AMD1: variants seen among roughly 807,000 people sequenced by gnomAD.
AMD1 encodes S-adenosylmethionine decarboxylase proenzyme.
In AMD1, 11 loss-of-function variants were observed where a neutral mutation model predicts 40.2. The ratio of observed to expected loss-of-function variants is 0.27; its 90% confidence interval spans 0.17 to 0.45. The LOEUF is 0.45. AMD1 is among the 20% of genes least tolerant of loss of function. The probability of loss-of-function intolerance (pLI) is 1.00; values close to 1 mark genes in which losing one functional copy is unlikely to be tolerated. For synonymous variants in AMD1, 121 were observed against 130.8 expected (o/e 0.93, Z 0.51); for missense variants, 257 against 410.2 (o/e 0.63, Z 3.23).
At chr6:110,847,939 C>G in the AMD1 span, among the ~76,000 whole-genome samples, 2 of 151,574 alleles carry the variant, frequency 1.3e-5, no homozygotes, top group Admixed American at 1.3e-4. Flanking sequence ...TGGCCTCAAA[C>G]TCCTGACCTT....
chr6:110,821,339 C>G, the AMD1 span, among the ~76,000 whole-genome samples: 1 of 152,186 alleles, frequency 6.6e-6, no homozygotes. Flanking sequence ...TGGCTCACGC[C>G]TGTAATCCCA....
chr6:110,877,647 G>A (rs909046991), intron 1 of AMD1, among the ~76,000 whole-genome samples: 25 of 152,190 alleles, frequency 1.6e-4, no homozygotes, highest in Admixed American at 3.9e-4. Context: ...GACAATAATG[G>A]TACATAGCTC....
the AMD1 span, among the ~76,000 whole-genome samples, chr6:110,824,319 A>G: frequency 6.6e-6 from 1 of 152,206 alleles, no homozygotes; most frequent in East Asian, 1.9e-4. Flanking sequence ...GTAACTCAGG[A>G]ATGGAAAACC....
the AMD1 span, among the ~76,000 whole-genome samples, chr6:110,852,285 G>A: frequency 5.1e-4 from 68 of 133,542 alleles, no homozygotes; most frequent in African/African-American, 1.9e-3. Context: ...GCAGTGGCAC[G>A]ATCTTGGCTC....
At chr6:110,848,281 G>A in the AMD1 span, among the ~76,000 whole-genome samples, 156 of 151,958 alleles carry the variant, frequency 1.0e-3, 3 homozygotes, top group Admixed American at 3.7e-3. Flanking sequence ...CAGCACTTTG[G>A]GAGGCTGAGG....
chr6:110,831,601 A>T, the AMD1 span, among the ~76,000 whole-genome samples: 1 of 151,732 alleles, frequency 6.6e-6, no homozygotes, highest in Non-Finnish European at 1.5e-5. Flanking sequence ...AGCCTTGAGG[A>T]CTCTCATTAG....
chr6:110,865,030 T>C, the AMD1 span, among the ~76,000 whole-genome samples: 1 of 152,288 alleles, frequency 6.6e-6, no homozygotes, highest in East Asian at 1.9e-4. Context: ...AGCTTTATGG[T>C]TTCTGCAGCT....
At chr6:110,858,571 G>A in the AMD1 span, 4 of 1,598,938 alleles carry the variant, frequency 2.5e-6, no homozygotes, top group Non-Finnish European at 3.4e-6. Context: ...CCAACGACCT[G>A]TTTGAGAGTG....
the AMD1 span, among the ~76,000 whole-genome samples, chr6:110,867,142 C>CTTTTCTTT: frequency 4.7e-5 from 7 of 150,324 alleles, no homozygotes; most frequent in African/African-American, 1.7e-4. Context: ...ATTACTTTTT[C>CTTTTCTTT]TTTTCTTTTT....
intron 1 of AMD1, among the ~76,000 whole-genome samples, chr6:110,880,468 A>G (rs1785344391): frequency 6.6e-6 from 1 of 152,136 alleles, no homozygotes; most frequent in African/African-American, 2.4e-5. Context: ...TACCCTATGT[A>G]TTCTTCTAGG....
At chr6:110,821,035 A>G in the AMD1 span, among the ~76,000 whole-genome samples, 1 of 152,242 alleles carries the variant, frequency 6.6e-6, no homozygotes, top group Non-Finnish European at 1.5e-5. Flanking sequence ...CCTTTGTGAT[A>G]TGAGTTTTAA....
the AMD1 span, among the ~76,000 whole-genome samples, chr6:110,843,255 A>G: frequency 6.6e-6 from 1 of 152,100 alleles, no homozygotes; most frequent in Non-Finnish European, 1.5e-5. Flanking sequence ...CTGAGGTCAG[A>G]AGTTGGAGAC....
At chr6:110,875,539 C>G (rs1053663913) in intron 1 of AMD1, 2 of 234,068 alleles carry the variant, frequency 8.5e-6, no homozygotes, top group Non-Finnish European at 1.6e-5. Flanking sequence ...GCGGCCCGCG[C>G]CTCCCGACAT....
chr6:110,820,796 G>C, the AMD1 span, among the ~76,000 whole-genome samples: 2 of 152,060 alleles, frequency 1.3e-5, no homozygotes, highest in Non-Finnish European at 1.5e-5. Context: ...CCAGCTACTT[G>C]GGAGGCTGAG....
the AMD1 span, among the ~76,000 whole-genome samples, chr6:110,859,575 T>C: frequency 1.3e-4 from 20 of 152,210 alleles, no homozygotes; most frequent in African/African-American, 2.6e-4. Context: ...CTTTTTTTTT[T>C]CCCCGAGGAA....
chr6:110,837,882 G>A, the AMD1 span, among the ~76,000 whole-genome samples: 1 of 148,518 alleles, frequency 6.7e-6, no homozygotes, highest in African/African-American at 2.5e-5. Context: ...GACCAACAAG[G>A]TGAAGCCCCG....
the AMD1 span, among the ~76,000 whole-genome samples, chr6:110,868,637 C>A: frequency 6.6e-6 from 1 of 152,114 alleles, no homozygotes; most frequent in African/African-American, 2.4e-5. Context: ...AGAGTCTTAT[C>A]AAATAAAATT....
At chr6:110,832,438 A>G in the AMD1 span, among the ~76,000 whole-genome samples, 1 of 152,132 alleles carries the variant, frequency 6.6e-6, no homozygotes, top group Non-Finnish European at 1.5e-5. Context: ...GGCATGAGCC[A>G]CCACACCTGG....
chr6:110,888,464 A>T (rs1292483326), intron 2 of AMD1: 1 of 153,246 alleles, frequency 6.5e-6, no homozygotes, highest in African/African-American at 2.4e-5. Flanking sequence ...GGCGCCTGCC[A>T]CTGTGCCCGG....
Sources: allele counts gnomAD v4.1 joint callset (sites outside exome capture counted in the v4.1 genomes callset), GRCh38; gene constraint gnomAD v4.1.1; transcripts MANE v1.5; gene names NCBI Gene and HGNC (gene_info 2026-07-23, HGNC 2026-07-21).